RBL1: variants seen among roughly 807,000 people sequenced by gnomAD.
RBL1 encodes RB transcriptional corepressor like 1, also known as retinoblastoma-like protein 1.
Under a neutral mutation model 123.0 loss-of-function variants are expected in RBL1, and 82 were observed. That is an observed-to-expected ratio of 0.67 (90% CI 0.56 to 0.80). The LOEUF (loss-of-function observed/expected upper bound fraction) is 0.80. Among genes scored for constraint, RBL1 ranks in the 30% least tolerant of loss-of-function variants. The pLI is 0.00. For missense variants in RBL1, 1,171 were observed against 1,299.6 expected (o/e 0.90, Z 1.52); for synonymous variants, 405 against 441.3 (o/e 0.92, Z 1.03).
At chr20:37,009,620 A>G (rs992321029) in intron 19 of RBL1, among the ~76,000 whole-genome samples, 84 of 152,012 alleles carry the variant, frequency 5.5e-4, no homozygotes, top group Non-Finnish European at 1.2e-4. Context: ...TTGGCCTCTC[A>G]AAGTGCTGGG....
At chr20:37,000,378 G>T (rs372306639) in intron 21 of RBL1, among the ~76,000 whole-genome samples, 200 of 114,724 alleles carry the variant, frequency 1.7e-3, no homozygotes, top group East Asian at 0.015. Flanking sequence ...GGGGGGGTTA[G>T]CCCCCCGCCC....
At chr20:37,065,697 G>A (rs957286979) in intron 6 of RBL1, among the ~76,000 whole-genome samples, 1 of 149,626 alleles carries the variant, frequency 6.7e-6, no homozygotes, top group African/African-American at 2.5e-5. Flanking sequence ...CAGGGCTGCA[G>A]TGCAGTGGTA....
At chr20:37,091,619 C>G (rs1254859225) in intron 1 of RBL1, among the ~76,000 whole-genome samples, 1 of 148,442 alleles carries the variant, frequency 6.7e-6, no homozygotes, top group Non-Finnish European at 1.5e-5. Flanking sequence ...TGAGCTGTGA[C>G]TGACCCACTG....
At chr20:37,003,888 AT>A in intron 20 of RBL1, 22 bp from the exon 21 acceptor site, 4 of 1,561,494 alleles carry the variant, frequency 2.6e-6, no homozygotes, top group Admixed American at 4.0e-5. Context: ...CAAAAGTCAG[AT>A]TTTTTAGATA....
intron 14 of RBL1, among the ~76,000 whole-genome samples, chr20:37,039,887 G>C (rs996847787): frequency 4.6e-5 from 7 of 151,856 alleles, no homozygotes; most frequent in Admixed American, 4.6e-4. Flanking sequence ...TATTTAAACA[G>C]TTCTCCATTA....
rs754936543 is a variant in RBL1, at chr20:37,068,014, G to C, written c.463C>G (p.Pro155Ala). Residue 155 changes from proline to alanine, a missense_variant, in exon 3 of 22, where the codon CCA becomes GCA. By Grantham distance (27) the Pro-to-Ala change is conservative (BLOSUM62 -1). Coordinates refer to ENST00000373664, the MANE Select transcript of RBL1 (RefSeq NM_002895.5). ...TGCTTCCGGCTTCGTGGTAACTTTGGTGGTTCTTCATATGGATTTTGAAAT... is the reference window on the plus strand; with the variant it reads ...TGCTTCCGGCTTCGTGGTAACTTTGCTGGTTCTTCATATGGATTTTGAAAT... Reference protein sequence around the residue: ...DIFQNPYEEPPKLPRSRKQRR... With the variant: ...DIFQNPYEEPAKLPRSRKQRR... The C allele has an allele frequency of 1.9e-6, 3 of 1,613,656 alleles. No homozygotes were observed. Among genetic ancestry groups the C allele is most frequent in the Non-Finnish European group, 2.5e-6 (3 of 1,179,928 alleles).
At chr20:37,045,192 T>C (rs6130421) in intron 12 of RBL1, among the ~76,000 whole-genome samples, 23,007 of 151,732 alleles carry the variant, frequency 0.15, 2,291 homozygotes, top group East Asian at 0.47. Context: ...CTGCAATCTC[T>C]GCCTCCCAGG....
At chr20:37,059,669 G>C (rs6031063) in intron 9 of RBL1, among the ~76,000 whole-genome samples, 1,881 of 152,138 alleles carry the variant, frequency 0.012, 44 homozygotes, top group African/African-American at 0.043. Flanking sequence ...CCAGAATCAT[G>C]AATTTTCTTT....
chr20:37,057,481 A>G (rs1452914516), intron 9 of RBL1, among the ~76,000 whole-genome samples: 1 of 152,108 alleles, frequency 6.6e-6, no homozygotes, highest in African/African-American at 2.4e-5. Flanking sequence ...ATTTTTTCAT[A>G]TGCTTTTGGC....
Position 37,026,940 on chromosome 20 carries a change from T to G in RBL1, c.2383-4114A>C, listed in dbSNP as rs143827005. Among the ~76,000 whole-genome samples the G allele has an allele frequency of 2.9e-3, 435 of 150,146 alleles. 5 individuals are homozygous for G. The highest frequency in any genetic ancestry group is 0.01 in the African/African-American group (420 of 40,714). The stretch of plus-strand genomic sequence containing the variant: ...TTGCTTGAACTAGGGAGTCAGAGGT[T>G]GCAGTGAGCTGAGATTGCACCACTG... On this transcript the variant is annotated intron_variant, in intron 16 of 21. Transcript: ENST00000373664.
At chr20:37,047,517 GGTTT>G (rs1232433077) in intron 11 of RBL1, among the ~76,000 whole-genome samples, 1 of 151,844 alleles carries the variant, frequency 6.6e-6, no homozygotes, top group African/African-American at 2.4e-5. Context: ...TCAACATAAG[GGTTT>G]ATTTATCAAA....
At chr20:37,039,815 C>A (rs2064690710) in intron 14 of RBL1, among the ~76,000 whole-genome samples, 1 of 152,106 alleles carries the variant, frequency 6.6e-6, no homozygotes, top group African/African-American at 2.4e-5. Flanking sequence ...CCTCAATACT[C>A]CTGCCTCAGC....
rs2063901284 is a variant in RBL1 at position 36,997,523 on chromosome 20, A to G, written c.*1236T>C. ...ATATATTAGAATTATGAGGCATGAG[A>G]TGATATTTATGTGATTTTTAAAAGG... On this transcript the variant is annotated 3_prime_UTR_variant, in exon 22 of 22. Transcript: ENST00000373664. 2 of 152,160 alleles carry G rather than the reference A, an allele frequency of 1.3e-5. No homozygotes were observed. Among genetic ancestry groups the G allele is most frequent in the African/African-American group, 4.8e-5 (2 of 41,446 alleles). 9.4% of individuals were successfully genotyped at this position (152,160 alleles called of 1,614,324 possible). A position where few individuals can be genotyped will look rare whatever the true frequency, so the allele number is the denominator to read the frequency against.
chr20:37,088,238 C>T (rs188130103), intron 2 of RBL1, among the ~76,000 whole-genome samples: 1 of 146,528 alleles, frequency 6.8e-6, no homozygotes, highest in Non-Finnish European at 1.5e-5. Context: ...GCACTCTAGC[C>T]TGGGCAACAA....
intron 20 of RBL1, 139 bp from the exon 21 acceptor site, chr20:37,004,005 G>A (rs941626108): frequency 2.6e-5 from 15 of 581,072 alleles, no homozygotes; most frequent in Non-Finnish European, 3.9e-5. Flanking sequence ...GAAAAAAAAT[G>A]ATCCTTTACT....
chr20:37,085,409 T>C (rs919408358), intron 2 of RBL1, among the ~76,000 whole-genome samples: 2 of 152,250 alleles, frequency 1.3e-5, no homozygotes, highest in South Asian at 2.1e-4. Context: ...GTGCTGGGAT[T>C]ACAGGTGTGA....
chr20:37,025,954 A>AT (rs2064413651), intron 16 of RBL1, among the ~76,000 whole-genome samples: 1 of 152,098 alleles, frequency 6.6e-6, no homozygotes, highest in African/African-American at 2.4e-5. Flanking sequence ...CATGTTAGCC[A>AT]GGATGGTCTC....
intron 2 of RBL1, chr20:37,082,154 A>C: frequency 2.9e-6 from 1 of 348,540 alleles, no homozygotes; most frequent in Non-Finnish European, 5.7e-6. Context: ...ACAACCAGAA[A>C]CCCCAGGGAC....
chr20:37,021,999 C>T (rs145412529), intron 17 of RBL1: 2,620 of 152,272 alleles, frequency 0.017, 39 homozygotes, highest in Non-Finnish European at 0.026. Context: ...TCGTCAACCA[C>T]CATAGTGCTG....
Sources: gnomAD v4.1 joint callset for allele counts (sites outside exome capture counted in the v4.1 genomes callset) on GRCh38, gnomAD v4.1.1 for gene constraint, MANE v1.5 for transcripts, NCBI Gene and HGNC (gene_info 2026-07-23, HGNC 2026-07-21) for gene names.